The following EPHA6 variants were observed in gnomAD, a reference collection of about 807,000 sequenced individuals.
EPHA6 encodes EPH receptor A6, also known as ephrin type-A receptor 6.
A neutral mutation model predicts 112.0 loss-of-function variants in EPHA6; 50 were observed. The observed-to-expected ratio is 0.45, with a 90% CI of 0.36 to 0.56. EPHA6 has a LOEUF of 0.56. Ranked by LOEUF, EPHA6 falls within the 20% of genes least tolerant of loss-of-function variation. The pLI is 0.00. For missense variants in EPHA6, 1,280 were observed against 1,417.4 expected (o/e 0.90, Z 1.56); for synonymous variants, 529 against 490.7 (o/e 1.08, Z -1.03).
intron 3 of EPHA6, among the ~76,000 whole-genome samples, chr3:97,145,167 T>G (rs1372671904): frequency 6.6e-6 from 1 of 151,472 alleles, no homozygotes; most frequent in Non-Finnish European, 1.5e-5. Context: ...TCCTTAAATT[T>G]TATTTTACTA....
At chr3:97,199,711 C>T (rs1033445045) in intron 3 of EPHA6, among the ~76,000 whole-genome samples, 2 of 152,260 alleles carry the variant, frequency 1.3e-5, no homozygotes, top group Admixed American at 6.5e-5. Context: ...GCTCTAAGAA[C>T]TTGGGATTCT....
chr3:97,214,816 T>C (rs2077988842), intron 3 of EPHA6, among the ~76,000 whole-genome samples: 1 of 152,226 alleles, frequency 6.6e-6, no homozygotes. Flanking sequence ...AAACAACATA[T>C]GTGTGTTTAT....
At chr3:97,678,220 C>G (rs964579800) in intron 14 of EPHA6, among the ~76,000 whole-genome samples, 3 of 152,090 alleles carry the variant, frequency 2.0e-5, no homozygotes, top group African/African-American at 7.2e-5. Context: ...CTCTCCCAGC[C>G]TAGTGTATAT....
intron 5 of EPHA6, among the ~76,000 whole-genome samples, chr3:97,393,124 C>T (rs1269274508): frequency 1.3e-5 from 2 of 151,662 alleles, no homozygotes; most frequent in Non-Finnish European, 3.0e-5. Context: ...TTCTTTATGG[C>T]CAGGCCAACT....
rs1559755127 is a variant in EPHA6 at position 96,829,946 on chromosome 3, C to CGT, written c.385+14939_385+14940insTG. ...ACACATGCACGTGCATGTGCGCGCG[C>CGT]GCGCACACACACACACACACACACA... On this transcript the variant is annotated intron_variant, in intron 1 of 17. Coordinates refer to ENST00000389672, the MANE Select transcript of EPHA6 (RefSeq NM_001080448.3). Among the ~76,000 whole-genome samples, 7 of 108,256 alleles carry CGT rather than the reference C, an allele frequency of 6.5e-5. 1 individual carries two copies. In the East Asian group the frequency reaches 9.7e-4, roughly 15 times the overall value. The allele number at this position is 108,256 out of a possible 152,430, so 71.0% of individuals were successfully genotyped here.
intron 5 of EPHA6, among the ~76,000 whole-genome samples, chr3:97,246,908 A>T (rs1326425720): frequency 6.6e-6 from 1 of 151,982 alleles, no homozygotes; most frequent in Non-Finnish European, 1.5e-5. Context: ...TGGATGTATC[A>T]GATATCCTTT....
At chr3:97,744,932 G>C (rs2035649187) in intron 16 of EPHA6, among the ~76,000 whole-genome samples, 1 of 151,904 alleles carries the variant, frequency 6.6e-6, no homozygotes, top group Admixed American at 6.6e-5. Flanking sequence ...AAAGACAGGA[G>C]AGTCACGTTT....
At chr3:97,331,534 T>C (rs1215356942) in intron 5 of EPHA6, among the ~76,000 whole-genome samples, 1 of 151,956 alleles carries the variant, frequency 6.6e-6, no homozygotes, top group Non-Finnish European at 1.5e-5. Context: ...AAGAATCAAA[T>C]AGATGCAATA....
intron 5 of EPHA6, among the ~76,000 whole-genome samples, chr3:97,404,347 C>G (rs953696933): frequency 6.6e-6 from 1 of 152,038 alleles, no homozygotes; most frequent in African/African-American, 2.4e-5. Context: ...CAATCTGTTA[C>G]GTGAGAAATG....
intron 14 of EPHA6, among the ~76,000 whole-genome samples, chr3:97,710,266 C>T (rs140491257): frequency 3.2e-4 from 49 of 152,258 alleles, no homozygotes; most frequent in African/African-American, 1.2e-3. Flanking sequence ...AACAGACTGC[C>T]TCTAAAGATG....
At chr3:97,467,614 C>CT (rs1432702673) in intron 7 of EPHA6, among the ~76,000 whole-genome samples, 1 of 151,838 alleles carries the variant, frequency 6.6e-6, no homozygotes, top group East Asian at 1.9e-4. Context: ...TCTTAAAAGA[C>CT]TTTTTAAAGG....
chr3:97,479,556 A>G (rs574911732), intron 9 of EPHA6, among the ~76,000 whole-genome samples, 192 bp downstream of exon 9: 1 of 152,320 alleles, frequency 6.6e-6, no homozygotes, highest in South Asian at 2.1e-4. Flanking sequence ...AAATAACATT[A>G]CCTTGTTCCC....
At chr3:97,150,221 G>A (rs998873087) in intron 3 of EPHA6, among the ~76,000 whole-genome samples, 1 of 152,024 alleles carries the variant, frequency 6.6e-6, no homozygotes, top group African/African-American at 2.4e-5. Context: ...TTATTTGAGA[G>A]GAATTTTCAC....
At chr3:97,281,666 T>C (rs1260138019) in intron 5 of EPHA6, among the ~76,000 whole-genome samples, 1 of 152,162 alleles carries the variant, frequency 6.6e-6, no homozygotes, top group Non-Finnish European at 1.5e-5. Context: ...ACATCATCAT[T>C]ATTACTGTAT....
rs2035236978 is a variant in EPHA6 at position 97,736,029 on chromosome 3, C to A, written c.3039C>A (p.His1013Gln). The A allele has an allele frequency of 1.2e-6, 2 of 1,612,690 alleles. No homozygotes were observed. Among genetic ancestry groups the A allele is most frequent in the African/African-American group, 2.7e-5 (2 of 74,894 alleles). The change falls in exon 16 of 18, where the codon CAC (histidine) becomes CAA (glutamine). Residue 1013 changes from histidine to glutamine, a missense_variant. His to Gln is a conservative substitution (Grantham distance 24). Coordinates refer to ENST00000389672, the MANE Select transcript of EPHA6 (RefSeq NM_001080448.3). ...ACTGCTGGCAGAAGGAGAGAAATCA[C>A]AGACCAAAATTTACTGACATTGTCA... ...MLHCWQKERN[H>Q]RPKFTDIVSF...
chr3:97,701,531 A>G (rs746913436), intron 14 of EPHA6, among the ~76,000 whole-genome samples: 22 of 152,148 alleles, frequency 1.4e-4, no homozygotes, highest in Non-Finnish European at 2.8e-4. Flanking sequence ...CATATTTTGC[A>G]TTAACAACTA....
At chr3:97,295,355 T>A (rs1307737492) in intron 5 of EPHA6, among the ~76,000 whole-genome samples, 14 of 152,056 alleles carry the variant, frequency 9.2e-5, no homozygotes, top group Admixed American at 9.2e-4. Context: ...ATCCAGTCTA[T>A]TTTTGAAGCT....
chr3:96,917,485 C>T (rs1176556661), intron 2 of EPHA6, among the ~76,000 whole-genome samples: 1 of 149,964 alleles, frequency 6.7e-6, no homozygotes, highest in African/African-American at 2.5e-5. Flanking sequence ...CAGTACAATT[C>T]CTAATAGAAG....
chr3:97,440,176 G>A (rs1577419002), intron 6 of EPHA6, among the ~76,000 whole-genome samples: 1 of 151,998 alleles, frequency 6.6e-6, no homozygotes, highest in African/African-American at 2.4e-5. Context: ...TAGAATCAAA[G>A]AATTTAAAGA....
Sources: gnomAD v4.1 joint callset for allele counts (sites outside exome capture counted in the v4.1 genomes callset) on GRCh38, gnomAD v4.1.1 for gene constraint, MANE v1.5 for transcripts, NCBI Gene and HGNC (gene_info 2026-07-23, HGNC 2026-07-21) for gene names.